MYO3B: variants seen among roughly 807,000 people sequenced by gnomAD.
MYO3B encodes myosin-IIIb.
Under a neutral mutation model 174.6 loss-of-function variants are expected in MYO3B, and 156 were observed. That is an observed-to-expected ratio of 0.89 (90% CI 0.78 to 1.02). MYO3B has a LOEUF of 1.02. MYO3B is among the 50% of genes least tolerant of loss of function. The pLI is 0.00. For missense variants in MYO3B, 1,632 were observed against 1,639.4 expected, an observed-to-expected ratio of 1.00 and a Z score of 0.08; for synonymous variants, 563 against 569.1, an observed-to-expected ratio of 0.99 and a Z score of 0.15.
At chr2:170,634,431 A>G (rs1489957261) in intron 32 of MYO3B, among the ~76,000 whole-genome samples, 4 of 152,194 alleles carry the variant, frequency 2.6e-5, no homozygotes, top group African/African-American at 9.7e-5. Context: ...GAAAGCGGAA[A>G]CTGGATCCCT....
intron 8 of MYO3B, among the ~76,000 whole-genome samples, chr2:170,352,264 A>G (rs968090549): frequency 4.6e-5 from 7 of 152,178 alleles, no homozygotes; most frequent in African/African-American, 1.7e-4. Context: ...AGGCACGCAT[A>G]GGTTTTTGTA....
intron 7 of MYO3B, among the ~76,000 whole-genome samples, chr2:170,239,127 A>G (rs1232146090): frequency 1.3e-5 from 2 of 152,246 alleles, no homozygotes; most frequent in African/African-American, 4.8e-5. Flanking sequence ...CAGGAGTTAT[A>G]AGAGAGCAAA....
At chr2:170,631,819 G>C (rs375424917) in intron 32 of MYO3B, among the ~76,000 whole-genome samples, 1 of 151,476 alleles carries the variant, frequency 6.6e-6, no homozygotes, top group Non-Finnish European at 1.5e-5. Flanking sequence ...CCAAGCAAAC[G>C]GAAAACAAAA....
At chr2:170,477,736 T>G (rs770034002) in intron 25 of MYO3B, among the ~76,000 whole-genome samples, 2 of 150,924 alleles carry the variant, frequency 1.3e-5, no homozygotes, top group Non-Finnish European at 2.9e-5. Context: ...TCAGCAGTTG[T>G]GACAGTCAAA....
In MYO3B at chr2:170,181,742, T is replaced by G. The variant is rs576047915; in HGVS notation, c.2+3453T>G. ...CTGTTAATATAAATCTAAGTGTGCT[T>G]TTTTTGATTATATATGTAAAGTAAA... On this transcript the variant is annotated intron_variant, in intron 1 of 34. Coordinates refer to ENST00000408978, the MANE Select transcript of MYO3B (RefSeq NM_138995.5). Among the ~76,000 whole-genome samples, 57 of 152,070 alleles carry G rather than the reference T, an allele frequency of 3.7e-4. 1 individual carries two copies. The highest frequency in any genetic ancestry group is 7.2e-4 in the Non-Finnish European group (49 of 67,996).
At chr2:170,270,835 T>C (rs1180246636) in intron 7 of MYO3B, among the ~76,000 whole-genome samples, 2 of 152,210 alleles carry the variant, frequency 1.3e-5, no homozygotes, top group Non-Finnish European at 2.9e-5. Context: ...ACTTAAACAT[T>C]TGGCCCTTTT....
At chr2:170,316,645 T>C (rs1453357274) in intron 7 of MYO3B, among the ~76,000 whole-genome samples, 1 of 152,254 alleles carries the variant, frequency 6.6e-6, no homozygotes, top group Non-Finnish European at 1.5e-5. Flanking sequence ...CTGCCTTGGC[T>C]TATTCCATTT....
chr2:170,352,375 T>G (rs1249138800), intron 8 of MYO3B, among the ~76,000 whole-genome samples: 1 of 152,176 alleles, frequency 6.6e-6, no homozygotes, highest in African/African-American at 2.4e-5. Flanking sequence ...AAAAACAATG[T>G]CTAGTTTCTA....
At chr2:170,318,643 T>C (rs2093793109) in intron 7 of MYO3B, among the ~76,000 whole-genome samples, 1 of 152,102 alleles carries the variant, frequency 6.6e-6, no homozygotes, top group African/African-American at 2.4e-5. Flanking sequence ...ATATAAGAGA[T>C]CCAGTATAGT....
At chr2:170,451,159 C>A (rs762361206) in intron 23 of MYO3B, among the ~76,000 whole-genome samples, 2 of 152,224 alleles carry the variant, frequency 1.3e-5, no homozygotes, top group Non-Finnish European at 1.5e-5. Flanking sequence ...TACCTTGCAA[C>A]CTTGCATGTA....
At chr2:170,636,396 ATTTCTT>A (rs1414658138) in intron 32 of MYO3B, among the ~76,000 whole-genome samples, 1 of 144,732 alleles carries the variant, frequency 6.9e-6, no homozygotes, top group Admixed American at 7.1e-5. Context: ...ATCTCCATGA[ATTTCTT>A]TTTTTTTTTT....
intron 19 of MYO3B, among the ~76,000 whole-genome samples, 168 bp from the exon 20 acceptor site, chr2:170,404,078 CA>C (rs1355994051): frequency 6.6e-6 from 1 of 152,166 alleles, no homozygotes; most frequent in Non-Finnish European, 1.5e-5. Flanking sequence ...TTTAAGTGCA[CA>C]GCTTTAATGG....
chr2:170,383,042 T>A (rs781377254), intron 10 of MYO3B, 31 bp from the exon 11 acceptor site: 1 of 1,356,808 alleles, frequency 7.4e-7, no homozygotes, highest in Non-Finnish European at 1.1e-6. Context: ...GGGAATAATA[T>A]TTACCTCAAT....
chr2:170,366,307 T>G lies in MYO3B; in HGVS notation c.816-2915T>G, dbSNP rs563834050. 7.8e-4 allele frequency among the ~76,000 whole-genome samples: 118 copies of G among 152,146 alleles called. 2 individuals carry two copies. In the South Asian group the frequency reaches 0.021, roughly 28 times the overall value. On this transcript the variant is annotated intron_variant, in intron 8 of 34. Coordinates refer to ENST00000408978, the MANE Select transcript of MYO3B (RefSeq NM_138995.5). ...AGCACTTTTTTTTGTTTGTTTTTTG[T>G]TTTTGTTTTTTTGAGACAGGGTCTC...
chr2:170,562,539 T>C (rs1297918441), intron 32 of MYO3B, among the ~76,000 whole-genome samples: 7 of 152,156 alleles, frequency 4.6e-5, no homozygotes, highest in African/African-American at 1.4e-4. Context: ...ATAATGTATT[T>C]ATACTTGGTT....
At chr2:170,264,581 G>T (rs1184298693) in intron 7 of MYO3B, among the ~76,000 whole-genome samples, 2 of 152,170 alleles carry the variant, frequency 1.3e-5, no homozygotes, top group East Asian at 1.9e-4. Context: ...CCACGTGCTG[G>T]TTGTGTGATT....
chr2:170,233,142 C>T (rs1274282196), intron 6 of MYO3B, among the ~76,000 whole-genome samples: 1 of 152,190 alleles, frequency 6.6e-6, no homozygotes, highest in Non-Finnish European at 1.5e-5. Context: ...GTACTAGATA[C>T]TTTTTATTGT....
chr2:170,505,995 A>T (rs1007145790), intron 28 of MYO3B, among the ~76,000 whole-genome samples: 1 of 152,226 alleles, frequency 6.6e-6, no homozygotes, highest in Non-Finnish European at 1.5e-5. Context: ...AAAAACACAG[A>T]TGTTATCACA....
intron 7 of MYO3B, among the ~76,000 whole-genome samples, chr2:170,245,001 T>C (rs2093174137): frequency 6.6e-6 from 1 of 152,154 alleles, no homozygotes; most frequent in South Asian, 2.1e-4. Context: ...GGGGTAAAAT[T>C]GTGTCAGTAT....
Sources: gnomAD v4.1 joint callset for allele counts (sites outside exome capture counted in the v4.1 genomes callset) on GRCh38, gnomAD v4.1.1 for gene constraint, MANE v1.5 for transcripts, NCBI Gene and HGNC (gene_info 2026-07-23, HGNC 2026-07-21) for gene names.